The following PLCE1 variants were observed in gnomAD, a reference collection of about 807,000 sequenced individuals.
PLCE1 encodes the protein 1-phosphatidylinositol 4,5-bisphosphate phosphodiesterase epsilon-1.
Under a neutral mutation model 242.8 loss-of-function variants are expected in PLCE1, and 119 were observed. The observed-to-expected ratio is 0.49, with a 90% confidence interval of 0.42 to 0.57. PLCE1 has a LOEUF of 0.57. Ranked by LOEUF, PLCE1 falls within the 20% of genes least tolerant of loss-of-function variation. The pLI is 0.00. For synonymous variants in PLCE1, 945 were observed against 1,017.4 expected (o/e 0.93, Z 1.35); for missense variants, 2,441 against 2,788.8 (o/e 0.88, Z 2.81).
chr10:94,293,964 G>A (rs970200903), intron 23 of PLCE1, among the ~76,000 whole-genome samples: 13 of 152,112 alleles, frequency 8.5e-5, no homozygotes, highest in African/African-American at 1.9e-4. Flanking sequence ...AAAAGTAGCC[G>A]GGTGTGGTAG....
intron 29 of PLCE1, among the ~76,000 whole-genome samples, chr10:94,320,469 A>C (rs1442314979): frequency 6.6e-6 from 1 of 152,204 alleles, no homozygotes; most frequent in Non-Finnish European, 1.5e-5. Flanking sequence ...TTTTGGCGCC[A>C]CCTGGTGGCA....
chr10:94,022,027 C>T (rs1589867055), intron 1 of PLCE1, among the ~76,000 whole-genome samples: 1 of 151,798 alleles, frequency 6.6e-6, no homozygotes, highest in African/African-American at 2.4e-5. Flanking sequence ...TACTTAGCAT[C>T]ATAATTGAAG....
chr10:94,259,040 A>T lies in PLCE1; in HGVS notation c.3704A>T (p.Asp1235Val), dbSNP rs2051200874. The T allele has an allele frequency of 6.2e-7, 1 of 1,613,924 alleles. No individual in the cohort carries two copies. ...GTCAGGAGCCGCAAGGACCTGAAGG[A>T]TCTGTTTGATGTCTATGCAGTGCCC... ...FSVRSRKDLK[D>V]LFDVYAVPCN... The change falls in exon 13 of 33, where the codon GAT (aspartate) becomes GTT (valine). Residue 1235 changes from aspartate to valine, a missense_variant. Physicochemically the swap from Asp to Val is radical, Grantham distance 152. Transcript: ENST00000371380.
chr10:94,152,780 G>A (rs183306712), intron 3 of PLCE1, among the ~76,000 whole-genome samples: 220 of 152,200 alleles, frequency 1.4e-3, no homozygotes, highest in Non-Finnish European at 2.6e-3. Flanking sequence ...CATTATTACT[G>A]CTTCCTTTTA....
At chr10:94,080,649 G>T (rs1462012090) in intron 2 of PLCE1, among the ~76,000 whole-genome samples, 1 of 152,060 alleles carries the variant, frequency 6.6e-6, no homozygotes, top group Admixed American at 6.5e-5. Flanking sequence ...CCTTTTCACT[G>T]GCCCCCTTCA....
intron 27 of PLCE1, 35 bp from the exon 28 acceptor site, chr10:94,313,219 C>T (rs376526532): frequency 2.3e-5 from 37 of 1,611,606 alleles, no homozygotes; most frequent in East Asian, 1.6e-4. Flanking sequence ...TATGTGATTA[C>T]GGATGAATGA....
intron 7 of PLCE1, among the ~76,000 whole-genome samples, chr10:94,243,647 G>A (rs887696826): frequency 6.6e-6 from 1 of 152,192 alleles, no homozygotes; most frequent in Non-Finnish European, 1.5e-5. Flanking sequence ...TCAGGTGACT[G>A]AGCATAACTA....
intron 1 of PLCE1, among the ~76,000 whole-genome samples, 56 bp downstream of exon 1, chr10:93,994,314 G>C (rs564930929): frequency 1.8e-4 from 28 of 152,338 alleles, no homozygotes; most frequent in Non-Finnish European, 4.1e-4. Context: ...GGAAGGATGG[G>C]CTGGTTCTCT....
At chr10:94,229,798 C>G (rs1173416870) in intron 5 of PLCE1, among the ~76,000 whole-genome samples, 1 of 152,212 alleles carries the variant, frequency 6.6e-6, no homozygotes, top group Non-Finnish European at 1.5e-5. Flanking sequence ...TCTCACACCC[C>G]AGACCCACTG....
At chr10:94,255,174 C>A in intron 11 of PLCE1, 125 bp downstream of exon 11, 1 of 1,169,538 alleles carries the variant, frequency 8.6e-7, no homozygotes, top group Non-Finnish European at 1.2e-6. Flanking sequence ...GAACTGAAAA[C>A]TGAAAAATCC....
intron 4 of PLCE1, among the ~76,000 whole-genome samples, chr10:94,172,025 A>T (rs372543920): frequency 6.6e-6 from 1 of 152,150 alleles, no homozygotes; most frequent in South Asian, 2.1e-4. Context: ...TCCCCTGAAG[A>T]TCCTCAGCCC....
At chr10:94,000,873 C>T (rs2060918010) in intron 1 of PLCE1, among the ~76,000 whole-genome samples, 1 of 152,178 alleles carries the variant, frequency 6.6e-6, no homozygotes, top group African/African-American at 2.4e-5. Flanking sequence ...GCTTTCAGGA[C>T]CTATGAGACA....
At chr10:94,152,469 A>G (rs1042178525) in intron 3 of PLCE1, among the ~76,000 whole-genome samples, 2 of 152,190 alleles carry the variant, frequency 1.3e-5, no homozygotes, top group Non-Finnish European at 2.9e-5. Flanking sequence ...AACAATTATG[A>G]GTTCCCTCAT....
At chr10:94,206,424 C>T (rs1275831541) in intron 4 of PLCE1, among the ~76,000 whole-genome samples, 1 of 152,194 alleles carries the variant, frequency 6.6e-6, no homozygotes, top group African/African-American at 2.4e-5. Flanking sequence ...CAATTTTACC[C>T]AGAATGGTAC....
At chr10:94,181,239 T>TC (rs1185212652) in intron 4 of PLCE1, among the ~76,000 whole-genome samples, 2 of 152,130 alleles carry the variant, frequency 1.3e-5, no homozygotes, top group Admixed American at 1.3e-4. Context: ...AGATTCTGCC[T>TC]CCGTGGATGC....
At chr10:94,271,567 G>C (rs1368986570) in intron 18 of PLCE1, among the ~76,000 whole-genome samples, 2 of 152,062 alleles carry the variant, frequency 1.3e-5, no homozygotes, top group Non-Finnish European at 2.9e-5. Context: ...ACCCACCTCA[G>C]CCTCCCAGAG....
intron 4 of PLCE1, among the ~76,000 whole-genome samples, chr10:94,183,796 G>A (rs2048384762): frequency 6.6e-6 from 1 of 152,120 alleles, no homozygotes; most frequent in South Asian, 2.1e-4. Context: ...GGCACGTCAT[G>A]GGGCAAGAAT....
chr10:94,250,122 ACT>A (rs1164917812), intron 8 of PLCE1, among the ~76,000 whole-genome samples: 2 of 140,540 alleles, frequency 1.4e-5, no homozygotes, highest in Non-Finnish European at 3.1e-5. Flanking sequence ...AGAGTGCGAG[ACT>A]CTGTCTCAAA....
At chr10:94,065,935 A>G (rs910026156) in intron 2 of PLCE1, among the ~76,000 whole-genome samples, 1 of 152,164 alleles carries the variant, frequency 6.6e-6, no homozygotes, top group Non-Finnish European at 1.5e-5. Flanking sequence ...TTGCTGTGTT[A>G]ATAGCCTTTC....
Sources: allele counts gnomAD v4.1 joint callset (sites outside exome capture counted in the v4.1 genomes callset), GRCh38; gene constraint gnomAD v4.1.1; transcripts MANE v1.5; gene names NCBI Gene and HGNC (gene_info 2026-07-23, HGNC 2026-07-21).